The following LMO7 variants were observed in gnomAD, a reference collection of about 807,000 sequenced individuals.
The protein encoded by LMO7 is LIM domain 7.
In LMO7, 120 loss-of-function variants were observed where a neutral mutation model predicts 206.5. The observed-to-expected ratio is 0.58, with a 90% CI of 0.50 to 0.68. The LOEUF (loss-of-function observed/expected upper bound fraction) is 0.68. Among genes scored for constraint, LMO7 ranks in the 30% least tolerant of loss-of-function variants. LMO7 has a pLI of 0.00. For missense variants in LMO7, 1,959 were observed against 1,957.9 expected (o/e 1.00, Z -0.01); for synonymous variants, 706 against 681.5 (o/e 1.04, Z -0.56).
intron 24 of LMO7, among the ~76,000 whole-genome samples, 198 bp downstream of exon 24, chr13:75,842,181 C>G (rs774143421): frequency 6.6e-6 from 1 of 152,192 alleles, no homozygotes; most frequent in Non-Finnish European, 1.5e-5. Flanking sequence ...CACTTCCTGT[C>G]ACATCAGAAC....
intron 3 of LMO7, among the ~76,000 whole-genome samples, chr13:75,745,034 T>C (rs2139278288): frequency 6.6e-6 from 1 of 152,246 alleles, no homozygotes; most frequent in East Asian, 1.9e-4. Flanking sequence ...AAAAACAATG[T>C]GAATAAAGAA....
intron 15 of LMO7, among the ~76,000 whole-genome samples, chr13:75,824,384 G>A (rs965403984): frequency 1.3e-5 from 2 of 152,070 alleles, no homozygotes; most frequent in African/African-American, 4.8e-5. Context: ...ACTTTAGAAC[G>A]TCTATAATTT....
At chr13:75,691,090 A>G (rs2041435733) in intron 1 of LMO7, among the ~76,000 whole-genome samples, 1 of 152,182 alleles carries the variant, frequency 6.6e-6, no homozygotes, top group Admixed American at 6.5e-5. Flanking sequence ...AATTTTAGTA[A>G]ATGAGAAGTT....
intron 6 of LMO7, among the ~76,000 whole-genome samples, 160 bp from the exon 7 acceptor site, chr13:75,800,524 T>G (rs951818463): frequency 6.6e-6 from 1 of 152,214 alleles, no homozygotes; most frequent in Non-Finnish European, 1.5e-5. Context: ...TTATTTTCTG[T>G]TTTTCATCAG....
intron 4 of LMO7, among the ~76,000 whole-genome samples, chr13:75,788,444 C>T (rs1344822664): frequency 7.4e-6 from 1 of 134,810 alleles, no homozygotes; most frequent in Non-Finnish European, 1.6e-5. Flanking sequence ...AAGAGCAAAA[C>T]TCTGCCTCAA....
chr13:75,749,144 T>C (rs2047087061), intron 3 of LMO7, among the ~76,000 whole-genome samples: 1 of 152,182 alleles, frequency 6.6e-6, no homozygotes, highest in Admixed American at 6.5e-5. Context: ...CAAAAGGTGA[T>C]GATCCAGACT....
At chr13:75,763,398 T>C (rs1195075925) in intron 4 of LMO7, among the ~76,000 whole-genome samples, 1 of 152,178 alleles carries the variant, frequency 6.6e-6, no homozygotes, top group Non-Finnish European at 1.5e-5. Flanking sequence ...AAATGAAGGA[T>C]ACTGACTATG....
rs1422889384 is a variant in LMO7 at position 75,695,750 on chromosome 13, A to G, written c.70-17432A>G. On this transcript the variant is annotated intron_variant, in intron 1 of 30. Transcript: ENST00000377534. Reference sequence around the variant, plus strand: ...GCAAATTTTGCCATGAAAAGTCTCAATCTATTTTAATGCTTCAAAACCAGT... The same window carrying G: ...GCAAATTTTGCCATGAAAAGTCTCAGTCTATTTTAATGCTTCAAAACCAGT... Among the ~76,000 whole-genome samples, 5 of 152,214 alleles carry G rather than the reference A, an allele frequency of 3.3e-5. No homozygotes were observed. In the South Asian group the frequency reaches 1.0e-3, roughly 32 times the overall value.
rs997667560 is a variant in LMO7 at position 75,806,299 on chromosome 13, G to C, written c.1196+539G>C. The C allele has an allele frequency of 6.3e-6, 6 of 958,938 alleles. No individual in the cohort carries two copies. The African/African-American group carries it at 1.1e-4, about 17-fold the overall frequency. 59.4% of individuals were successfully genotyped at this position (958,938 alleles called of 1,614,324 possible). A position where few individuals can be genotyped will look rare whatever the true frequency, so the allele number is the denominator to read the frequency against. On this transcript the variant is annotated intron_variant, in intron 9 of 30. Transcript: ENST00000377534. ...GCATGAGCCTGCCTGCTGCGGGTCT[G>C]GCCTCAGACAACCCTCTGCCTGCTT...
At chr13:75,663,433 T>TTTCTTTCTTTC (rs1491411815) in intron 1 of LMO7, among the ~76,000 whole-genome samples, 111 of 47,284 alleles carry the variant, frequency 2.3e-3, no homozygotes, top group African/African-American at 5.7e-3. Context: ...TCTTTCTTTC[T>TTTCTTTCTTTC]TTTTTTTTTT....
rs755261784 is a variant in LMO7, at chr13:75,713,189, CAG to C, written c.81_82del (p.Lys28GlufsTer3). 4.3e-6 allele frequency: 7 copies of C among 1,611,790 alleles called. No homozygotes were observed. The highest frequency in any genetic ancestry group is 1.3e-5 in the African/African-American group (1 of 74,870). On this transcript the variant is annotated frameshift_variant, in exon 2 of 31. Coordinates refer to ENST00000377534, the MANE Select transcript of LMO7 (RefSeq NM_001306080.2). LOFTEE classifies it high-confidence loss of function. Reference sequence around the variant, plus strand: ...ACCAAACCTATCTTTCAGGCAGTAACAGAGAAGAATTTTGAAACAAAAGATTT... The same window carrying C: ...ACCAAACCTATCTTTCAGGCAGTAACAGAAGAATTTTGAAACAAAAGATTT...
At chr13:75,719,105 G>A (rs1446215078) in intron 2 of LMO7, among the ~76,000 whole-genome samples, 1 of 151,166 alleles carries the variant, frequency 6.6e-6, no homozygotes, top group East Asian at 2.0e-4. Context: ...TCAGCCTCTC[G>A]AGTAGCTGGG....
At chr13:75,646,128 T>G (rs1029348293) in intron 1 of LMO7, among the ~76,000 whole-genome samples, 1 of 152,166 alleles carries the variant, frequency 6.6e-6, no homozygotes, top group South Asian at 2.1e-4. Context: ...TCTTAGCAAA[T>G]GGCATCATTG....
chr13:75,709,740 C>G (rs996019381), intron 1 of LMO7, among the ~76,000 whole-genome samples: 2 of 152,134 alleles, frequency 1.3e-5, no homozygotes, highest in African/African-American at 4.8e-5. Flanking sequence ...TTCTCCCATT[C>G]TGTAGGTTGC....
chr13:75,783,145 G>T (rs955704488), intron 4 of LMO7, among the ~76,000 whole-genome samples: 1 of 152,172 alleles, frequency 6.6e-6, no homozygotes. Context: ...TTTATGCACA[G>T]ATGTATTTTA....
intron 3 of LMO7, among the ~76,000 whole-genome samples, chr13:75,734,927 G>A (rs1359970174): frequency 2.6e-5 from 4 of 152,060 alleles, no homozygotes; most frequent in Non-Finnish European, 5.9e-5. Context: ...GTGAAACCCT[G>A]TCTCTACTAA....
chr13:75,737,800 A>C (rs1454145921), intron 3 of LMO7, among the ~76,000 whole-genome samples: 1 of 115,080 alleles, frequency 8.7e-6, no homozygotes, highest in African/African-American at 3.3e-5. Flanking sequence ...AAAAAAAAAA[A>C]ACTTTTTACT....
chr13:75,742,613 A>G (rs1083058), intron 3 of LMO7, among the ~76,000 whole-genome samples: 151,646 of 152,332 alleles, frequency 1, 75,485 homozygotes, highest in Middle Eastern at 1. Context: ...ACAAAAACAA[A>G]CAATGAGGAA....
chr13:75,842,196 T>G (rs1200088453), intron 24 of LMO7, among the ~76,000 whole-genome samples: 1 of 152,134 alleles, frequency 6.6e-6, no homozygotes, highest in African/African-American at 2.4e-5. Context: ...CAGAACCCCA[T>G]CCAGCATCCT....
Sources: gnomAD v4.1 joint callset for allele counts (sites outside exome capture counted in the v4.1 genomes callset) on GRCh38, gnomAD v4.1.1 for gene constraint, MANE v1.5 for transcripts, NCBI Gene and HGNC (gene_info 2026-07-23, HGNC 2026-07-21) for gene names.